Variants in KCNH1 observed in about 807,000 individuals in gnomAD.
KCNH1 encodes the protein potassium voltage-gated channel subfamily H member 1, also known as voltage-gated delayed rectifier potassium channel KCNH1.
In KCNH1, 27 loss-of-function variants were observed where a neutral mutation model predicts 69.2. The ratio of observed to expected loss-of-function variants is 0.39; its 90% CI spans 0.29 to 0.54. The LOEUF (loss-of-function observed/expected upper bound fraction) is 0.54, where lower values mean the gene tolerates loss of function less well. Among genes scored for constraint, KCNH1 ranks in the 20% least tolerant of loss-of-function variants. The pLI, the probability that KCNH1 is intolerant of heterozygous loss-of-function variation, is 0.68. For missense variants in KCNH1, 798 were observed against 1,261.6 expected, an observed-to-expected ratio of 0.63 and a Z score of 5.57; for synonymous variants, 456 against 487.7, an observed-to-expected ratio of 0.93 and a Z score of 0.86.
intron 7 of KCNH1, among the ~76,000 whole-genome samples, chr1:210,838,945 T>C (rs957022052): frequency 6.6e-6 from 1 of 152,218 alleles, no homozygotes; most frequent in South Asian, 2.1e-4. Context: ...AAAGGAACGC[T>C]TTTACATTGC....
chr1:210,717,168 G>A (rs561193923), intron 10 of KCNH1, among the ~76,000 whole-genome samples: 5 of 152,294 alleles, frequency 3.3e-5, no homozygotes, highest in Non-Finnish European at 7.4e-5. Context: ...TGCCAAACTT[G>A]TGTTTCCCTG....
intron 4 of KCNH1, among the ~76,000 whole-genome samples, chr1:211,086,808 C>T (rs1479952559): frequency 6.6e-6 from 1 of 152,060 alleles, no homozygotes; most frequent in Non-Finnish European, 1.5e-5. Context: ...AGACAGAGGC[C>T]AGCCTTGTCC....
At chr1:210,936,104 T>C (rs1272938054) in intron 6 of KCNH1, among the ~76,000 whole-genome samples, 1 of 152,214 alleles carries the variant, frequency 6.6e-6, no homozygotes, top group Non-Finnish European at 1.5e-5. Flanking sequence ...GTCTTTCAGG[T>C]TGATAGATAG....
At chr1:211,041,967 C>T (rs1422636054) in intron 5 of KCNH1, among the ~76,000 whole-genome samples, 1 of 152,110 alleles carries the variant, frequency 6.6e-6, no homozygotes, top group East Asian at 1.9e-4. Context: ...GTTGGCCAGG[C>T]TGGTCTGGAA....
chr1:210,975,093 T>C (rs547052353), intron 6 of KCNH1, among the ~76,000 whole-genome samples: 1 of 152,344 alleles, frequency 6.6e-6, no homozygotes, highest in African/African-American at 2.4e-5. Flanking sequence ...TTAAAACTAA[T>C]GTCATTTCCT....
chr1:210,800,705 C>T (rs907306451), intron 8 of KCNH1, among the ~76,000 whole-genome samples: 2 of 152,120 alleles, frequency 1.3e-5, no homozygotes, highest in Admixed American at 6.5e-5. Flanking sequence ...ATCCCACAGC[C>T]GGCTCCCAAC....
At chr1:210,714,392 T>C (rs1682160346) in intron 10 of KCNH1, among the ~76,000 whole-genome samples, 1 of 152,198 alleles carries the variant, frequency 6.6e-6, no homozygotes, top group South Asian at 2.1e-4. Flanking sequence ...TCTTTCTTCC[T>C]GTTTTGTTTT....
At chr1:210,964,024 G>C (rs1447095680) in intron 6 of KCNH1, among the ~76,000 whole-genome samples, 1 of 152,208 alleles carries the variant, frequency 6.6e-6, no homozygotes, top group Non-Finnish European at 1.5e-5. Context: ...AGGAAAAAAT[G>C]TTAAGAGCAT....
At chr1:210,788,399 T>A (rs1684143326) in intron 9 of KCNH1, among the ~76,000 whole-genome samples, 1 of 152,246 alleles carries the variant, frequency 6.6e-6, no homozygotes, top group African/African-American at 2.4e-5. Flanking sequence ...CATATCATTA[T>A]CATAACAACT....
intron 10 of KCNH1, among the ~76,000 whole-genome samples, chr1:210,685,009 C>T (rs1681378376): frequency 6.6e-6 from 1 of 152,098 alleles, no homozygotes; most frequent in Non-Finnish European, 1.5e-5. Context: ...GGTATCAAAC[C>T]CCAGATCCGT....
intron 9 of KCNH1, among the ~76,000 whole-genome samples, chr1:210,778,209 A>G: frequency 6.6e-6 from 1 of 152,224 alleles, no homozygotes; most frequent in African/African-American, 2.4e-5. Flanking sequence ...CAACCAGCTG[A>G]GCTAAACAGC....
intron 9 of KCNH1, among the ~76,000 whole-genome samples, chr1:210,795,987 A>ACG (rs1159051027): frequency 8.0e-5 from 12 of 150,888 alleles, no homozygotes; most frequent in Non-Finnish European, 1.5e-5. Flanking sequence ...ACACACACAC[A>ACG]CACACACACA....
intron 7 of KCNH1, among the ~76,000 whole-genome samples, chr1:210,863,132 A>C (rs1686017103): frequency 6.6e-6 from 1 of 152,212 alleles, no homozygotes; most frequent in Non-Finnish European, 1.5e-5. Flanking sequence ...AGAGCTTCCA[A>C]AAAGAGAAAT....
chr1:210,939,461 G>A (rs1687840174), intron 6 of KCNH1, among the ~76,000 whole-genome samples: 1 of 152,176 alleles, frequency 6.6e-6, no homozygotes, highest in African/African-American at 2.4e-5. Context: ...TCCAAGTGAA[G>A]CATGTTCCAG....
chr1:210,777,400 G>A lies in KCNH1; in HGVS notation c.1916-1856C>T, dbSNP rs191307208. 2.6e-5 allele frequency among the ~76,000 whole-genome samples: 4 copies of A among 152,234 alleles called. No individual in the cohort carries two copies. In the East Asian group the frequency reaches 7.7e-4, roughly 29 times the overall value. On this transcript the variant is annotated intron_variant, in intron 9 of 10. Coordinates refer to ENST00000271751, the MANE Select transcript of KCNH1 (RefSeq NM_172362.3). ...CAATGTGAATAGGATACATGCTTGG[G>A]GTAGCTTCCAGGCAAATATGTCTTT...
At chr1:211,005,195 T>A (rs896212999) in intron 6 of KCNH1, among the ~76,000 whole-genome samples, 5 of 152,140 alleles carry the variant, frequency 3.3e-5, no homozygotes. Flanking sequence ...TAGAAATATT[T>A]CTAGAAAAAT....
At chr1:210,957,657 A>G (rs1688204829) in intron 6 of KCNH1, among the ~76,000 whole-genome samples, 1 of 151,956 alleles carries the variant, frequency 6.6e-6, no homozygotes, top group African/African-American at 2.4e-5. Context: ...TATTCTCTTT[A>G]CCATTATGAA....
intron 1 of KCNH1, among the ~76,000 whole-genome samples, chr1:211,110,026 AG>A (rs1263108978): frequency 1.3e-5 from 2 of 150,862 alleles, no homozygotes; most frequent in African/African-American, 4.9e-5. Flanking sequence ...GAAACAGAGA[AG>A]AAAAAAAAAA....
chr1:210,718,136 G>GA (rs370545063), intron 10 of KCNH1, among the ~76,000 whole-genome samples: 5 of 146,674 alleles, frequency 3.4e-5, no homozygotes, highest in Admixed American at 2.7e-4. Flanking sequence ...AAAAAACAAG[G>GA]AAAAAAATAG....
Sources: gnomAD v4.1 joint callset for allele counts (sites outside exome capture counted in the v4.1 genomes callset) on GRCh38, gnomAD v4.1.1 for gene constraint, MANE v1.5 for transcripts, NCBI Gene and HGNC (gene_info 2026-07-23, HGNC 2026-07-21) for gene names.